The following SHISA9 variants were observed in gnomAD, a reference collection of about 807,000 sequenced individuals.
SHISA9 encodes the protein shisa family member 9.
In SHISA9, 13 loss-of-function variants were observed where a neutral mutation model predicts 38.0. The observed-to-expected ratio is 0.34, with a 90% CI of 0.22 to 0.54. The LOEUF is 0.54. Among genes scored for constraint, SHISA9 ranks in the 20% least tolerant of loss-of-function variants. SHISA9 has a pLI of 0.91. For synonymous variants in SHISA9, 275 were observed against 242.0 expected, an observed-to-expected ratio of 1.14 and a Z score of -1.27; for missense variants, 538 against 575.8, an observed-to-expected ratio of 0.93 and a Z score of 0.67.
chr16:13,127,097 AAGAG>A (rs1175277703), intron 2 of SHISA9, among the ~76,000 whole-genome samples: 2 of 135,238 alleles, frequency 1.5e-5, no homozygotes, highest in African/African-American at 2.8e-5. Flanking sequence ...GAGGGAAGGA[AAGAG>A]AGAGAGACTG....
chr16:13,302,419 C>A, the SHISA9 span, among the ~76,000 whole-genome samples: 2 of 152,128 alleles, frequency 1.3e-5, no homozygotes, highest in Non-Finnish European at 2.9e-5. Flanking sequence ...ACGATGCCAC[C>A]AGCCTGATGC....
At chr16:13,387,094 G>A in the SHISA9 span, among the ~76,000 whole-genome samples, 7 of 152,274 alleles carry the variant, frequency 4.6e-5, no homozygotes, top group Admixed American at 6.5e-5. Flanking sequence ...TCATTGATGT[G>A]TAATTCACAT....
the SHISA9 span, among the ~76,000 whole-genome samples, chr16:13,306,124 C>A: frequency 6.6e-6 from 1 of 152,116 alleles, no homozygotes; most frequent in Non-Finnish European, 1.5e-5. Context: ...TAAGAAGATG[C>A]TGCAAACTAT....
At chr16:13,071,948 AC>A (rs1260315158) in intron 2 of SHISA9, among the ~76,000 whole-genome samples, 22 of 151,976 alleles carry the variant, frequency 1.4e-4, no homozygotes, top group African/African-American at 4.8e-4. Context: ...GGCTGGCCAA[AC>A]CCCAGGCTTT....
the SHISA9 span, among the ~76,000 whole-genome samples, chr16:13,502,136 C>CAG: frequency 2.0e-5 from 3 of 152,092 alleles, no homozygotes; most frequent in Non-Finnish European, 4.4e-5. Flanking sequence ...CTTTGTATAT[C>CAG]AGAGAGTATA....
At chr16:13,507,358 C>G in the SHISA9 span, among the ~76,000 whole-genome samples, 2 of 152,044 alleles carry the variant, frequency 1.3e-5, no homozygotes, top group Non-Finnish European at 2.9e-5. Context: ...TTTGGGCCTC[C>G]AGATATCTGC....
the SHISA9 span, among the ~76,000 whole-genome samples, chr16:13,312,187 C>T: frequency 6.6e-6 from 1 of 152,112 alleles, no homozygotes; most frequent in African/African-American, 2.4e-5. Context: ...GCACAATGCC[C>T]CAAGTGTGCT....
chr16:13,021,609 A>G (rs2072855302), intron 2 of SHISA9, among the ~76,000 whole-genome samples: 1 of 152,202 alleles, frequency 6.6e-6, no homozygotes, highest in Admixed American at 6.6e-5. Flanking sequence ...CGGGAGCAGG[A>G]TGAAGAAGAA....
At chr16:13,187,812 A>T (rs1479254700) in intron 2 of SHISA9, among the ~76,000 whole-genome samples, 1 of 152,218 alleles carries the variant, frequency 6.6e-6, no homozygotes, top group African/African-American at 2.4e-5. Context: ...GACAAAATGT[A>T]CAAGGTTGTC....
chr16:13,476,070 T>G, the SHISA9 span, among the ~76,000 whole-genome samples: 1 of 152,156 alleles, frequency 6.6e-6, no homozygotes, highest in South Asian at 2.1e-4. Flanking sequence ...GCCTGAGGGT[T>G]GGGGGAGACC....
intron 2 of SHISA9, among the ~76,000 whole-genome samples, chr16:13,100,590 G>A (rs979593668): frequency 3.8e-4 from 58 of 152,348 alleles, no homozygotes; most frequent in East Asian, 1.4e-3. Context: ...GACTGTCCAA[G>A]AGATTGAGAA....
chr16:13,104,963 C>A (rs536770195), intron 2 of SHISA9, among the ~76,000 whole-genome samples: 1 of 152,220 alleles, frequency 6.6e-6, no homozygotes, highest in South Asian at 2.1e-4. Context: ...CAATTACTTA[C>A]GTTGGTTGAG....
At chr16:13,534,025 C>T in the SHISA9 span, among the ~76,000 whole-genome samples, 19 of 152,080 alleles carry the variant, frequency 1.2e-4, no homozygotes, top group East Asian at 7.8e-4. Context: ...CCTCGTGATC[C>T]GCCCGCCTCA....
At chr16:12,963,187 G>A (rs953497586) in intron 2 of SHISA9, among the ~76,000 whole-genome samples, 4 of 152,202 alleles carry the variant, frequency 2.6e-5, no homozygotes, top group African/African-American at 9.7e-5. Context: ...TTAGTTGTCA[G>A]CTGACAGTTT....
chr16:13,293,274 C>T, the SHISA9 span, among the ~76,000 whole-genome samples: 1 of 152,138 alleles, frequency 6.6e-6, no homozygotes, highest in Non-Finnish European at 1.5e-5. Flanking sequence ...CCTTACTTTT[C>T]CCTTGAAAAA....
At chr16:13,162,022 C>G (rs1315757728) in intron 2 of SHISA9, among the ~76,000 whole-genome samples, 1 of 152,124 alleles carries the variant, frequency 6.6e-6, no homozygotes. Context: ...AAGTGATAAA[C>G]CAACCTTGGA....
chr16:13,292,168 A>G, the SHISA9 span, among the ~76,000 whole-genome samples: 1 of 151,860 alleles, frequency 6.6e-6, no homozygotes, highest in Non-Finnish European at 1.5e-5. Context: ...GGAAAAGCCA[A>G]AGATGACCCA....
chr16:13,159,562 A>C (rs1464618116), intron 2 of SHISA9, among the ~76,000 whole-genome samples: 1 of 152,252 alleles, frequency 6.6e-6, no homozygotes, highest in East Asian at 1.9e-4. Context: ...GCAGAGGGAT[A>C]GATATGAAGA....
At position 13,235,367 on chromosome 16, in the gene SHISA9, G is replaced by A. The variant is rs1366346514; in HGVS notation, c.1233G>A (p.Gln411=). The A allele has an allele frequency of 5.2e-6, 8 of 1,540,710 alleles. No individual in the cohort carries two copies. The highest frequency in any genetic ancestry group is 1.4e-5 in the African/African-American group (1 of 72,978). ...GCCCCCAGCACTACCCACCCCCACA[G>A]CCATACTTCATCACCAACAGCAAAA... The part of the protein sequence containing the change: ...GTRPQHYPPP[Q]PYFITNSKTE... The change falls in exon 5 of 5, where the codon CAG becomes CAA. Residue 411 remains glutamine (Q), a synonymous_variant. Coordinates refer to ENST00000558583, the MANE Select transcript of SHISA9 (RefSeq NM_001145204.3).
Sources: gnomAD v4.1 joint callset for allele counts (sites outside exome capture counted in the v4.1 genomes callset) on GRCh38, gnomAD v4.1.1 for gene constraint, MANE v1.5 for transcripts, NCBI Gene and HGNC (gene_info 2026-07-23, HGNC 2026-07-21) for gene names.